Variants in PLXNB2 observed in about 807,000 individuals in gnomAD.
PLXNB2 encodes the protein plexin-B2.
A neutral mutation model predicts 202.6 loss-of-function variants in PLXNB2; 85 were observed. That is an observed-to-expected ratio of 0.42 (90% confidence interval 0.35 to 0.50). PLXNB2 has a LOEUF of 0.50. Ranked by LOEUF, PLXNB2 falls within the 20% of genes least tolerant of loss-of-function variation. The pLI is 0.02. For synonymous variants in PLXNB2, 1,239 were observed against 1,137.6 expected, an observed-to-expected ratio of 1.09 and a Z score of -1.79; for missense variants, 2,063 against 2,586.2, an observed-to-expected ratio of 0.80 and a Z score of 4.39.
chr22:50,275,815 G>C lies in PLXNB2; in HGVS notation c.5413-7C>G, dbSNP rs201524381. On this transcript the variant is annotated splice_region_variant and splice_polypyrimidine_tract_variant and intron_variant, in intron 36 of 36. Transcript: ENST00000359337. ...CCTCCAAGGCATTGATGATCTGAGG[G>C]AGGGTCGCATCAGAGCACACCGGGG... is the stretch of plus-strand genomic sequence containing the variant. 3 of 1,610,060 alleles carry C rather than the reference G, an allele frequency of 1.9e-6. No homozygotes were observed. The highest frequency in any genetic ancestry group is 2.5e-6 in the Non-Finnish European group (3 of 1,177,680).
At position 50,286,252 on chromosome 22, in the gene PLXNB2, G is replaced by T; in HGVS notation, c.1798C>A (p.Arg600=). 1 of 1,613,228 alleles carries T rather than the reference G, an allele frequency of 6.2e-7. No individual in the cohort carries two copies. The highest frequency in any genetic ancestry group is 8.5e-7 in the Non-Finnish European group (1 of 1,179,858). The part of the protein sequence containing the change: ...VAVTIQLLLR[R]GNIFLTSYQY... The stretch of plus-strand genomic sequence containing the variant: ...TAGGACGTGAGGAAGATGTTGCCTC[G>T]TCTAAGGAGGAGCTGGATGGTCACG... Residue 600 remains arginine, a synonymous_variant, in exon 9 of 37, where the codon CGA becomes AGA. Coordinates refer to ENST00000359337, the MANE Select transcript of PLXNB2 (RefSeq NM_012401.4).
At chr22:50,283,497 C>A in intron 15 of PLXNB2, 52 bp from the exon 16 acceptor site, 2 of 1,572,220 alleles carry the variant, frequency 1.3e-6, no homozygotes, top group South Asian at 1.1e-5. Flanking sequence ...CACCCCACAC[C>A]CTGACACCCT....
chr22:50,282,931 C>T (rs776252010), intron 17 of PLXNB2, 50 bp from the exon 18 acceptor site: 1 of 1,565,954 alleles, frequency 6.4e-7, no homozygotes, highest in Admixed American at 1.8e-5. Context: ...CCGGGACCAG[C>T]CCCAGCCCGA....
At position 50,288,669 on chromosome 22, in the gene PLXNB2, T is replaced by C. The variant is rs2066643670; in HGVS notation, c.1380+74A>G. ...CCCATCCTCCTCTGGCCCCCAGGCC[T>C]GTCCTAAGGGCCTGGGATGCAATGA... is the stretch of plus-strand genomic sequence containing the variant. On this transcript the variant is annotated intron_variant, in intron 5 of 36. Transcript: ENST00000359337. The surrounding 1 kb of genome is among the most constrained non-coding windows in gnomAD (Gnocchi z 5.0). The C allele has an allele frequency of 7.6e-6, 12 of 1,575,866 alleles. No homozygotes were observed. The South Asian group carries it at 1.4e-4, about 18-fold the overall frequency.
intron 18 of PLXNB2, 182 bp from the exon 19 acceptor site, chr22:50,282,495 CG>C (rs2066076067): frequency 2.8e-6 from 2 of 715,888 alleles, no homozygotes; most frequent in Non-Finnish European, 4.5e-6. Context: ...CGCAAGTGGG[CG>C]GGGGGCACAC....
chr22:50,283,036 G>A lies in PLXNB2; in HGVS notation c.2816+14C>T, dbSNP rs766028209. ...CAGGGCCAACCAGACTCAGCAGCTG[G>A]CGGTGACACCCACACTTTACACGGG... On this transcript the variant is annotated intron_variant, in intron 17 of 36. Coordinates refer to ENST00000359337, the MANE Select transcript of PLXNB2 (RefSeq NM_012401.4). 3.4e-5 allele frequency: 55 copies of A among 1,600,206 alleles called. No homozygotes were observed. Among genetic ancestry groups the A allele is most frequent in the Middle Eastern group, 3.3e-4 (2 of 6,008 alleles).
chr22:50,284,304 G>A lies in PLXNB2; in HGVS notation c.2182-91C>T, dbSNP rs2066256852. The stretch of plus-strand genomic sequence containing the variant: ...AAGGGCAGCCTCCCTGTGGCCACCG[G>A]GTCCCTTCCCAGCCAAGGGCAGCAG... On this transcript the variant is annotated intron_variant, in intron 12 of 36. Transcript: ENST00000359337. The surrounding 1 kb of genome is among the most constrained non-coding windows in gnomAD (Gnocchi z 8.0). The A allele has an allele frequency of 8.0e-7, 1 of 1,246,672 alleles. No individual in the cohort carries two copies. The highest frequency in any genetic ancestry group is 1.2e-6 in the Non-Finnish European group (1 of 854,906). 77.2% of individuals were successfully genotyped at this position (1,246,672 alleles called of 1,614,324 possible). A position where few individuals can be genotyped will look rare whatever the true frequency, so the allele number is the denominator to read the frequency against.
chr22:50,302,045 G>A (rs1160162037), intron 1 of PLXNB2, among the ~76,000 whole-genome samples: 1 of 152,390 alleles, frequency 6.6e-6, no homozygotes, highest in Admixed American at 6.5e-5. Context: ...GGGCTAAGAG[G>A]GGCAGTGGGG....
Position 50,289,640 on chromosome 22 carries a change from C to T in PLXNB2, c.945G>A (p.Pro315=), listed in dbSNP as rs570076937. ...GGPGAGLCLF[P]LDKVHAKMEA... is the part of the protein sequence containing the mutation. Reference sequence around the variant, plus strand: ...CCATCTTGGCGTGCACCTTGTCCAGCGGGAACAGGCAGAGGCCCGCACCGG... The same window carrying T: ...CCATCTTGGCGTGCACCTTGTCCAGTGGGAACAGGCAGAGGCCCGCACCGG... Residue 315 remains proline, a synonymous_variant, in exon 3 of 37, where the codon CCG becomes CCA. Coordinates refer to ENST00000359337, the MANE Select transcript of PLXNB2 (RefSeq NM_012401.4). This position sits in a 1 kb window ranked among gnomAD's most constrained non-coding sequence, Gnocchi z 8.0. 1.2e-5 allele frequency: 19 copies of T among 1,609,522 alleles called. No homozygotes were observed. The South Asian group carries it at 1.4e-4, about 12-fold the overall frequency.
In PLXNB2 at chr22:50,290,176, C is replaced by T. The variant is rs749186574; in HGVS notation, c.409G>A (p.Gly137Ser). ...NISLRLFYED[G>S]SGEKSFVASN... ...GCCACGAAAGACTTCTCCCCGCTGC[C>T]GTCCTCGTAGAACAGGCGGAGGGAG... The change falls in exon 3 of 37, where the codon GGC (glycine) becomes AGC (serine). Residue 137 changes from glycine to serine, a missense_variant. This residue lies in a region of PLXNB2 where 1,303 missense variants were observed against 1,476.8 expected (regional missense o/e 0.88). Coordinates refer to ENST00000359337, the MANE Select transcript of PLXNB2 (RefSeq NM_012401.4). 9.9e-6 allele frequency: 16 copies of T among 1,612,650 alleles called. No homozygotes were observed. Among genetic ancestry groups the T allele is most frequent in the Middle Eastern group, 1.6e-4 (1 of 6,084 alleles).
At position 50,291,832 on chromosome 22, in the gene PLXNB2, G is replaced by A. The variant is rs2066890819; in HGVS notation, c.-13-1235C>T. The stretch of plus-strand genomic sequence containing the variant: ...GCACCAGTACGGGGGGCTCCCAGGT[G>A]TCCAGGGCAGCCCTGCCATGGCAGG... On this transcript the variant is annotated intron_variant, in intron 2 of 36. Coordinates refer to ENST00000359337, the MANE Select transcript of PLXNB2 (RefSeq NM_012401.4). The surrounding 1 kb of genome is among the most constrained non-coding windows in gnomAD (Gnocchi z 4.3). Among the ~76,000 whole-genome samples, 1 of 152,148 alleles carries A rather than the reference G, an allele frequency of 6.6e-6. No individual in the cohort carries two copies. Among genetic ancestry groups the A allele is most frequent in the Non-Finnish European group, 1.5e-5 (1 of 68,004 alleles).
At chr22:50,301,516 G>T in intron 1 of PLXNB2, 1 of 433,508 alleles carries the variant, frequency 2.3e-6, no homozygotes, top group Non-Finnish European at 3.1e-6. Flanking sequence ...CTGGGGCTCA[G>T]TCACTTGGAG....
At position 50,290,246 on chromosome 22, in the gene PLXNB2, G is replaced by A; in HGVS notation, c.339C>T (p.Gly113=). 6.2e-7 allele frequency: 1 copy of A among 1,611,878 alleles called. No individual in the cohort carries two copies. Among genetic ancestry groups the A allele is most frequent in the Non-Finnish European group, 8.5e-7 (1 of 1,180,012 alleles). The part of the protein sequence containing the change: ...DPPRKRLVEC[G]SLFKGICALR... ...GAGCGCAGATGCCCTTGAAGAGGCT[G>A]CCGCACTCCACCAGGCGCTTCCTGG... The change falls in exon 3 of 37, where the codon GGC becomes GGT. Residue 113 remains glycine (G), a synonymous_variant. Transcript: ENST00000359337.
chr22:50,290,596 C>G lies in PLXNB2; in HGVS notation c.-12G>C, dbSNP rs775829129. Reference sequence around the variant, plus strand: ...AGCTGCAGTGCCATTGCCCCCCGCACCCTGTGGGAAGAGAGAAGGGTCAGG... The same window carrying G: ...AGCTGCAGTGCCATTGCCCCCCGCAGCCTGTGGGAAGAGAGAAGGGTCAGG... On this transcript the variant is annotated splice_region_variant and 5_prime_UTR_variant, in exon 3 of 37. Coordinates refer to ENST00000359337, the MANE Select transcript of PLXNB2 (RefSeq NM_012401.4). 1 of 1,589,394 alleles carries G rather than the reference C, an allele frequency of 6.3e-7. No individual in the cohort carries two copies. Among genetic ancestry groups the G allele is most frequent in the Non-Finnish European group, 8.5e-7 (1 of 1,169,722 alleles).
rs200919785 is a variant in PLXNB2, at chr22:50,280,732, C to A, written c.3993+12G>T. On this transcript the variant is annotated intron_variant, in intron 24 of 36. Transcript: ENST00000359337. ...CCTGTGTGCCCTCCCGCCCGCCCGA[C>A]GCCTGGCTCACATTGATGAGGAAAG... 6.3e-7 allele frequency: 1 copy of A among 1,584,562 alleles called. No homozygotes were observed. Among genetic ancestry groups the A allele is most frequent in the Non-Finnish European group, 8.6e-7 (1 of 1,164,428 alleles).
chr22:50,283,771 G>A (rs369674319), intron 14 of PLXNB2, 21 bp from the exon 15 acceptor site: 22 of 1,613,014 alleles, frequency 1.4e-5, no homozygotes, highest in African/African-American at 6.7e-5. Context: ...AGAGCCGGGT[G>A]AGCAGGGAGG....
At chr22:50,279,034 G>A (rs1601680285) in intron 27 of PLXNB2, 23 bp from the exon 28 acceptor site, 1 of 1,585,770 alleles carries the variant, frequency 6.3e-7, no homozygotes, top group East Asian at 2.2e-5. Context: ...CCGGGATGAA[G>A]CCCAGTGGGA....
Position 50,287,779 on chromosome 22 carries a change from G to T in PLXNB2, c.1496C>A (p.Ala499Asp). ...CVVEGRCTRK[A>D]ECPRAEEASH... ...GGCCTCCTCGGCCCGCGGACACTCG[G>T]CCTTCCGGGTGCATCTGCAGGCGCA... Residue 499 changes from alanine to aspartate, a missense_variant, in exon 7 of 37, where the codon GCC becomes GAC. Ala to Asp is a moderately radical substitution (Grantham distance 126, BLOSUM62 -2). Coordinates refer to ENST00000359337, the MANE Select transcript of PLXNB2 (RefSeq NM_012401.4). 6.3e-7 allele frequency: 1 copy of T among 1,588,022 alleles called. No individual in the cohort carries two copies.
In PLXNB2 at chr22:50,284,381, G is replaced by A. The variant is rs1305734724; in HGVS notation, c.2182-168C>T. ...GGGAACCCCATGGACGCTGCTCTGT[G>A]CCACTCTGTCCCCAGGGAGGCAGAG... On this transcript the variant is annotated intron_variant, in intron 12 of 36. Transcript: ENST00000359337. The surrounding 1 kb of genome is among the most constrained non-coding windows in gnomAD (Gnocchi z 8.0). 5.4e-6 allele frequency: 4 copies of A among 738,672 alleles called. No homozygotes were observed. The highest frequency in any genetic ancestry group is 5.3e-5 in the East Asian group (2 of 37,796). The allele number at this position is 738,672 out of a possible 1,614,324, so 45.8% of individuals were successfully genotyped here.
Sources: allele counts gnomAD v4.1 joint callset (sites outside exome capture counted in the v4.1 genomes callset), GRCh38; gene constraint gnomAD v4.1.1; regional missense constraint gnomAD v4.1.1; non-coding constraint Gnocchi (gnomAD v3.1); transcripts MANE v1.5; gene names NCBI Gene and HGNC (gene_info 2026-07-23, HGNC 2026-07-21).